TMEM64: variants seen among roughly 807,000 people sequenced by gnomAD.
TMEM64 encodes transmembrane protein 64.
In TMEM64, 19 loss-of-function variants were observed where a neutral mutation model predicts 24.5. That is an observed-to-expected ratio of 0.78 (90% CI 0.54 to 1.14). TMEM64 has a LOEUF of 1.14. TMEM64 is among the 50% of genes most tolerant of loss of function. The pLI, the probability that TMEM64 is intolerant of heterozygous loss-of-function variation, is 0.00. For synonymous variants in TMEM64, 262 were observed against 224.7 expected (o/e 1.17, Z -1.49); for missense variants, 487 against 493.0 (o/e 0.99, Z 0.12).
chr8:90,629,690 AC>A (rs1461562517), intron 2 of TMEM64, among the ~76,000 whole-genome samples: 1 of 152,168 alleles, frequency 6.6e-6, no homozygotes, highest in African/African-American at 2.4e-5. Flanking sequence ...ACCAACTGTA[AC>A]AAAAACATTT....
intron 2 of TMEM64, 139 bp downstream of exon 2, chr8:90,631,410 TGTA>T (rs1233694039): frequency 5.0e-6 from 3 of 602,792 alleles, no homozygotes; most frequent in African/African-American, 1.8e-5. Context: ...TGTCAAAATA[TGTA>T]GTAGTAATGA....
At chr8:90,632,625 C>G (rs918241539) in intron 1 of TMEM64, among the ~76,000 whole-genome samples, 16 of 152,158 alleles carry the variant, frequency 1.1e-4, no homozygotes, top group African/African-American at 3.9e-4. Flanking sequence ...CCAGGCCCTA[C>G]TTTTTTGTAT....
At position 90,625,193 on chromosome 8, in the gene TMEM64, A is replaced by G. The variant is rs1214619719; in HGVS notation, c.*478T>C. On this transcript the variant is annotated 3_prime_UTR_variant, in exon 3 of 3. Transcript: ENST00000458549. ...GAAGCTAAGTGGTCCCACTTAAACA[A>G]TAAAACAAAACAAAACAAAAACCAC... 1 of 152,460 alleles carries G rather than the reference A, an allele frequency of 6.6e-6. No homozygotes were observed. Among genetic ancestry groups the G allele is most frequent in the African/African-American group, 2.4e-5 (1 of 41,448 alleles). The allele number at this position is 152,460 out of a possible 1,614,324, so 9.4% of individuals were successfully genotyped here.
At chr8:90,633,030 A>G (rs1260704193) in intron 1 of TMEM64, among the ~76,000 whole-genome samples, 1 of 152,226 alleles carries the variant, frequency 6.6e-6, no homozygotes, top group Non-Finnish European at 1.5e-5. Flanking sequence ...CCTCTGTGGT[A>G]GGCAACATCT....
chr8:90,624,079 G>T lies in TMEM64; in HGVS notation c.*1592C>A, dbSNP rs1160936190. 1 of 151,948 alleles carries T rather than the reference G, an allele frequency of 6.6e-6. No individual in the cohort carries two copies. The highest frequency in any genetic ancestry group is 2.1e-4 in the South Asian group (1 of 4,820). 9.4% of individuals were successfully genotyped at this position (151,948 alleles called of 1,614,324 possible). ...AGACCCAGGTGCTCTCAAAGTATTT[G>T]CACTGGTCTTCTAGGTATGGACATA... On this transcript the variant is annotated 3_prime_UTR_variant, in exon 3 of 3. Transcript: ENST00000458549.
At chr8:90,633,233 T>C (rs1663385868) in intron 1 of TMEM64, among the ~76,000 whole-genome samples, 1 of 152,178 alleles carries the variant, frequency 6.6e-6, no homozygotes, top group African/African-American at 2.4e-5. Context: ...GCTGCCATGC[T>C]CTAAGTAGCT....
At chr8:90,642,514 G>C (rs1809620053) in intron 1 of TMEM64, among the ~76,000 whole-genome samples, 1 of 152,184 alleles carries the variant, frequency 6.6e-6, no homozygotes, top group Non-Finnish European at 1.5e-5. Context: ...GTCAGCAGGA[G>C]GGGTATGAGG....
At chr8:90,630,533 C>T (rs986884594) in intron 2 of TMEM64, among the ~76,000 whole-genome samples, 3 of 152,108 alleles carry the variant, frequency 2.0e-5, no homozygotes, top group African/African-American at 7.2e-5. Context: ...TCTTTGTGAA[C>T]CAGTTCTTGT....
chr8:90,625,663 C>A lies in TMEM64; in HGVS notation c.*8G>T. On this transcript the variant is annotated 3_prime_UTR_variant, in exon 3 of 3. Coordinates refer to ENST00000458549, the MANE Select transcript of TMEM64 (RefSeq NM_001008495.4). ...CTAGGCTCTTGACAATCACGTATCT[C>A]ATTAGAATCATACAACATTGATTCC... The A allele has an allele frequency of 6.2e-7, 1 of 1,611,768 alleles. No individual in the cohort carries two copies. The highest frequency in any genetic ancestry group is 1.1e-5 in the South Asian group (1 of 90,828).
At position 90,623,300 on chromosome 8, in the gene TMEM64, A is replaced by AG. The variant is rs1401490295; in HGVS notation, c.*2370dup. ...GACAGCAATATTTGGACAACATAAA[A>AG]GTATCCTGTAGATATGTGTTGCTGC... is the stretch of plus-strand genomic sequence containing the variant. On this transcript the variant is annotated 3_prime_UTR_variant, in exon 3 of 3. Coordinates refer to ENST00000458549, the MANE Select transcript of TMEM64 (RefSeq NM_001008495.4). 6.6e-6 allele frequency: 1 copy of AG among 152,184 alleles called. No homozygotes were observed. The highest frequency in any genetic ancestry group is 1.5e-5 in the Non-Finnish European group (1 of 68,014). 9.4% of individuals were successfully genotyped at this position (152,184 alleles called of 1,614,324 possible). A position where few individuals can be genotyped will look rare whatever the true frequency, so the allele number is the denominator to read the frequency against.
In TMEM64 at chr8:90,645,517, G is replaced by A. The variant is rs1809681613; in HGVS notation, c.389C>T (p.Ala130Val). The A allele has an allele frequency of 1.9e-6, 3 of 1,550,122 alleles. No individual in the cohort carries two copies. The highest frequency in any genetic ancestry group is 2.6e-6 in the Non-Finnish European group (3 of 1,146,988). ...CRSLVLVCVL[A>V]ALCFASLALV... ...GGCCAGGGAAGCGAAGCACAGGGCG[G>A]CCAACACGCAGACCAGCACGAGGCT... Residue 130 changes from alanine to valine, a missense_variant, in exon 1 of 3, where the codon GCC (alanine) becomes GTC (valine). Ala to Val is a moderately conservative substitution (Grantham distance 64). Coordinates refer to ENST00000458549, the MANE Select transcript of TMEM64 (RefSeq NM_001008495.4). This position sits in a 1 kb window ranked among gnomAD's most constrained non-coding sequence, Gnocchi z 4.2.
chr8:90,641,097 A>G (rs974894116), intron 1 of TMEM64, among the ~76,000 whole-genome samples: 10 of 152,214 alleles, frequency 6.6e-5, no homozygotes, highest in Non-Finnish European at 1.5e-5. Context: ...CTCTTCCTAC[A>G]GTTGCAGGGG....
chr8:90,637,719 G>A (rs1411808493), intron 1 of TMEM64, among the ~76,000 whole-genome samples: 2 of 152,030 alleles, frequency 1.3e-5, no homozygotes, highest in Non-Finnish European at 2.9e-5. Context: ...AATATTTACT[G>A]ATAATTTTAC....
Position 90,644,900 on chromosome 8 carries a change from T to C in TMEM64, c.795+211A>G, listed in dbSNP as rs1809664631. Among the ~76,000 whole-genome samples the C allele has an allele frequency of 2.6e-5, 4 of 152,310 alleles. No individual in the cohort carries two copies. In the Middle Eastern group the frequency reaches 0.01, roughly 389 times the overall value. ...CCATCCCTAAAAGAAACATTAGTTT[T>C]TTATCTAACAAACTCTCTTTCGAGG... On this transcript the variant is annotated intron_variant, in intron 1 of 2. Transcript: ENST00000458549.
In TMEM64 at chr8:90,645,402, G is replaced by C. The variant is rs1430311504; in HGVS notation, c.504C>G (p.Ile168Met). ...LGVLLFVVGF[I>M]VVSFPCGWGY... The stretch of plus-strand genomic sequence containing the variant: ...CCCAGCCGCAGGGGAAAGAGACCAC[G>C]ATGAAGCCCACGACGAAGAGCAGGA... Residue 168 changes from isoleucine to methionine, a missense_variant, in exon 1 of 3, where the codon ATC (isoleucine) becomes ATG (methionine). By Grantham distance (10) the Ile-to-Met change is conservative. Transcript: ENST00000458549. The surrounding 1 kb of genome is among the most constrained non-coding windows in gnomAD (Gnocchi z 4.2). 6.4e-7 allele frequency: 1 copy of C among 1,551,822 alleles called. No individual in the cohort carries two copies. The highest frequency in any genetic ancestry group is 2.0e-5 in the Admixed American group (1 of 51,008).
intron 1 of TMEM64, among the ~76,000 whole-genome samples, chr8:90,636,108 A>G (rs1809513521): frequency 6.6e-6 from 1 of 152,204 alleles, no homozygotes; most frequent in Admixed American, 6.5e-5. Context: ...GCATACATAT[A>G]ATTTTAGTTA....
intron 1 of TMEM64, among the ~76,000 whole-genome samples, chr8:90,644,421 A>G (rs1809654315): frequency 6.6e-6 from 1 of 152,240 alleles, no homozygotes; most frequent in Non-Finnish European, 1.5e-5. Flanking sequence ...ACATATGAAT[A>G]CAAGGACAGA....
At chr8:90,637,511 G>C (rs1164567097) in intron 1 of TMEM64, among the ~76,000 whole-genome samples, 6 of 152,098 alleles carry the variant, frequency 3.9e-5, no homozygotes, top group African/African-American at 1.4e-4. Context: ...GTATAGACTT[G>C]TTGCTTGGTA....
intron 1 of TMEM64, among the ~76,000 whole-genome samples, chr8:90,640,393 T>C (rs140152875): frequency 6.6e-6 from 1 of 152,332 alleles, no homozygotes; most frequent in East Asian, 1.9e-4. Flanking sequence ...TGTATTTTTA[T>C]AACACATACT....
Sources: allele counts gnomAD v4.1 joint callset (sites outside exome capture counted in the v4.1 genomes callset), GRCh38; gene constraint gnomAD v4.1.1; non-coding constraint Gnocchi (gnomAD v3.1); transcripts MANE v1.5; gene names NCBI Gene and HGNC (gene_info 2026-07-23, HGNC 2026-07-21).